QRICH1: variants seen among roughly 807,000 people sequenced by gnomAD.
QRICH1 encodes transcriptional regulator QRICH1.
A neutral mutation model predicts 87.1 loss-of-function variants in QRICH1; 16 were observed. The ratio of observed to expected loss-of-function variants is 0.18; its 90% CI spans 0.12 to 0.28. The LOEUF is 0.28. Ranked by LOEUF, QRICH1 falls within the 10% of genes least tolerant of loss-of-function variation. The pLI, the probability that QRICH1 is intolerant of heterozygous loss-of-function variation, is 1.00. For missense variants in QRICH1, 647 were observed against 951.7 expected (o/e 0.68, Z 4.21); for synonymous variants, 367 against 368.4 (o/e 1.00, Z 0.05).
intron 2 of QRICH1, among the ~76,000 whole-genome samples, chr3:49,076,108 T>C (rs989990783): frequency 2.0e-5 from 3 of 152,126 alleles, no homozygotes; most frequent in African/African-American, 7.2e-5. Context: ...CCGAGTGTGT[T>C]GGCAGGCACC....
intron 1 of QRICH1, among the ~76,000 whole-genome samples, chr3:49,082,938 G>A (rs1007407545): frequency 1.0e-4 from 15 of 150,646 alleles, no homozygotes; most frequent in Non-Finnish European, 3.0e-5. Context: ...GGTGACTCAC[G>A]CCTGTAATCC....
chr3:49,074,118 A>T (rs895482342), intron 2 of QRICH1, among the ~76,000 whole-genome samples: 2 of 152,132 alleles, frequency 1.3e-5, no homozygotes, highest in African/African-American at 2.4e-5. Flanking sequence ...CAGACCCAGA[A>T]ATCCATACGT....
intron 5 of QRICH1, among the ~76,000 whole-genome samples, chr3:49,045,495 A>C (rs2093334085): frequency 6.6e-6 from 1 of 152,198 alleles, no homozygotes; most frequent in Non-Finnish European, 1.5e-5. Context: ...TGATGGCACA[A>C]TCATAGCTGA....
At chr3:49,062,549 C>T (rs1477029050) in intron 2 of QRICH1, among the ~76,000 whole-genome samples, 1 of 151,398 alleles carries the variant, frequency 6.6e-6, no homozygotes, top group African/African-American at 2.4e-5. Context: ...TTAGCACAGA[C>T]AGGGTTTCAC....
intron 6 of QRICH1, among the ~76,000 whole-genome samples, chr3:49,037,073 T>TTAAA (rs372465702): frequency 1.1e-5 from 1 of 92,614 alleles, no homozygotes; most frequent in Non-Finnish European, 2.0e-5. Flanking sequence ...CCCCGTCTCT[T>TTAAA]AAAAAAAAAA....
At chr3:49,033,304 G>T (rs1325622759) in intron 6 of QRICH1, 76 bp from the exon 7 acceptor site, 2 of 876,320 alleles carry the variant, frequency 2.3e-6, no homozygotes, top group Non-Finnish European at 3.3e-6. Flanking sequence ...GATGTGTGAA[G>T]CATAAGGACC....
At chr3:49,093,092 G>A (rs1404538481) in intron 1 of QRICH1, among the ~76,000 whole-genome samples, 3 of 152,206 alleles carry the variant, frequency 2.0e-5, no homozygotes, top group African/African-American at 7.2e-5. Flanking sequence ...TCTAATGAAA[G>A]ATAAGCAGGT....
At chr3:49,077,696 T>A (rs1279328198) in intron 1 of QRICH1, among the ~76,000 whole-genome samples, 1 of 152,196 alleles carries the variant, frequency 6.6e-6, no homozygotes, top group Non-Finnish European at 1.5e-5. Context: ...TCTAGAAAAG[T>A]CAATTAACCT....
chr3:49,090,451 T>G (rs1365852412), intron 1 of QRICH1, among the ~76,000 whole-genome samples: 2 of 102,328 alleles, frequency 2.0e-5, no homozygotes, highest in African/African-American at 7.7e-5. Flanking sequence ...AGAGCGAGAC[T>G]ACGTCTCAAA....
At chr3:49,061,379 C>T (rs1445980369) in intron 2 of QRICH1, among the ~76,000 whole-genome samples, 1 of 151,936 alleles carries the variant, frequency 6.6e-6, no homozygotes, top group Non-Finnish European at 1.5e-5. Context: ...ATTACCATAA[C>T]CTGGATGACA....
chr3:49,085,098 G>A (rs1362112645), intron 1 of QRICH1, among the ~76,000 whole-genome samples: 3 of 151,682 alleles, frequency 2.0e-5, no homozygotes, highest in Non-Finnish European at 2.9e-5. Context: ...AGCCAAGATC[G>A]TGCCACTGCA....
chr3:49,033,059 T>C (rs908483871), intron 7 of QRICH1, 61 bp downstream of exon 7: 39 of 1,281,196 alleles, frequency 3.0e-5, no homozygotes, highest in Non-Finnish European at 3.9e-5. Context: ...GAAGGCCTCT[T>C]GGATAGCTTC....
In QRICH1 at chr3:49,032,765, AG is replaced by A; in HGVS notation, c.1903del (p.Leu635TyrfsTer2). ...CATGTGCTGGTCCACTGTCTTCAAT[AG>A]GAAGTACCTGGATCACAAGTAAAAT... ...TLMFFNTKYF[L>X]LKTVDQHMKL... On this transcript the variant is annotated frameshift_variant, in exon 8 of 10. Transcript: ENST00000395443. LOFTEE classifies it high-confidence loss of function. 1 of 1,605,074 alleles carries A rather than the reference AG, an allele frequency of 6.2e-7. No homozygotes were observed. Among genetic ancestry groups the A allele is most frequent in the East Asian group, 2.2e-5 (1 of 44,630 alleles).
At chr3:49,093,865 T>C (rs1275573804) in intron 1 of QRICH1, 47 bp downstream of exon 1, 3 of 178,352 alleles carry the variant, frequency 1.7e-5, no homozygotes, top group Non-Finnish European at 3.3e-5. Flanking sequence ...GCCCCCCGTC[T>C]CAGGCCTACA....
At position 49,029,786 on chromosome 3, in the gene QRICH1, T is replaced by C; in HGVS notation, c.*666A>G. 1 of 277,510 alleles carries C rather than the reference T, an allele frequency of 3.6e-6. No individual in the cohort carries two copies. Among genetic ancestry groups the C allele is most frequent in the Non-Finnish European group, 7.1e-6 (1 of 140,714 alleles). The allele number at this position is 277,510 out of a possible 1,614,324, so 17.2% of individuals were successfully genotyped here. On this transcript the variant is annotated 3_prime_UTR_variant, in exon 10 of 10. Transcript: ENST00000395443. ...AGAGAAACAGAGTGGTATCTTTATA[T>C]GATACACAAGTGTATGTTACAAGAA...
At chr3:49,053,047 G>A (rs1340592958) in intron 3 of QRICH1, among the ~76,000 whole-genome samples, 2 of 152,100 alleles carry the variant, frequency 1.3e-5, no homozygotes, top group Admixed American at 6.6e-5. Context: ...AATCCCTTAG[G>A]GAGAAGAGGG....
chr3:49,036,934 G>T lies in QRICH1; in HGVS notation c.1787-3706C>A, dbSNP rs1050956628. The stretch of plus-strand genomic sequence containing the variant: ...AAAAATTAAACAAGCATGATGGCAT[G>T]TGCCTATGGCCCCCAGCTACATGGA... On this transcript the variant is annotated intron_variant, in intron 6 of 9. Coordinates refer to ENST00000395443, the MANE Select transcript of QRICH1 (RefSeq NM_198880.3). Among the ~76,000 whole-genome samples the T allele has an allele frequency of 4.1e-4, 63 of 151,938 alleles. 1 individual carries two copies. The highest frequency in any genetic ancestry group is 3.6e-3 in the Admixed American group (55 of 15,250).
rs75211140 is a variant in QRICH1 at position 49,045,831 on chromosome 3, G to C, written c.1671+594C>G. Among the ~76,000 whole-genome samples the C allele has an allele frequency of 3.5e-4, 53 of 152,100 alleles. No homozygotes were observed. In the East Asian group the frequency reaches 0.01, roughly 29 times the overall value. Reference sequence around the variant, plus strand: ...GGTCTCAAACTCCTGGGGCTCAAGCGATCCTCCTGCCTTGAGCCTCCCAAA... The same window carrying C: ...GGTCTCAAACTCCTGGGGCTCAAGCCATCCTCCTGCCTTGAGCCTCCCAAA... On this transcript the variant is annotated intron_variant, in intron 5 of 9. Transcript: ENST00000395443.
intron 1 of QRICH1, among the ~76,000 whole-genome samples, chr3:49,090,541 T>C (rs1445366760): frequency 6.6e-6 from 1 of 150,508 alleles, no homozygotes; most frequent in African/African-American, 2.4e-5. Context: ...GGCAGGAGAA[T>C]TGCTTGAACC....
Sources: gnomAD v4.1 joint callset for allele counts (sites outside exome capture counted in the v4.1 genomes callset) on GRCh38, gnomAD v4.1.1 for gene constraint, MANE v1.5 for transcripts, NCBI Gene and HGNC (gene_info 2026-07-23, HGNC 2026-07-21) for gene names.